The following DIP2B variants were observed in gnomAD, a reference collection of about 807,000 sequenced individuals.
DIP2B encodes the protein DIP2 acetate--CoA ligase B (putative).
A neutral mutation model predicts 198.0 loss-of-function variants in DIP2B; 76 were observed. The ratio of observed to expected loss-of-function variants is 0.38; its 90% CI spans 0.32 to 0.46. DIP2B has a LOEUF of 0.46. DIP2B is among the 20% of genes least tolerant of loss of function. The pLI, the probability that DIP2B is intolerant of heterozygous loss-of-function variation, is 0.99. For missense variants in DIP2B, 1,559 were observed against 1,978.4 expected, an observed-to-expected ratio of 0.79 and a Z score of 4.02; for synonymous variants, 701 against 739.1, an observed-to-expected ratio of 0.95 and a Z score of 0.84.
intron 33 of DIP2B, among the ~76,000 whole-genome samples, chr12:50,734,417 AAT>A (rs1184232725): frequency 6.6e-6 from 1 of 152,240 alleles, no homozygotes; most frequent in African/African-American, 2.4e-5. Context: ...ATTAAAGTAT[AAT>A]AGTTATTGCC....
intron 1 of DIP2B, among the ~76,000 whole-genome samples, chr12:50,589,807 C>A (rs1958803349): frequency 6.6e-6 from 1 of 151,964 alleles, no homozygotes; most frequent in South Asian, 2.1e-4. Flanking sequence ...AATTTAGGAC[C>A]ATCAGGAAGA....
chr12:50,576,024 C>G (rs1442102025), intron 1 of DIP2B, among the ~76,000 whole-genome samples: 4 of 151,744 alleles, frequency 2.6e-5, no homozygotes, highest in African/African-American at 9.7e-5. Flanking sequence ...TCCCAAAGAG[C>G]TGGAATTACA....
chr12:50,529,278 T>A (rs1032685277), intron 1 of DIP2B, among the ~76,000 whole-genome samples: 2 of 152,058 alleles, frequency 1.3e-5, no homozygotes, highest in Non-Finnish European at 2.9e-5. Context: ...TACGACAGAG[T>A]AAGACCCTGT....
chr12:50,704,927 A>G (rs183719084), intron 20 of DIP2B, among the ~76,000 whole-genome samples: 2 of 152,274 alleles, frequency 1.3e-5, no homozygotes, highest in Non-Finnish European at 2.9e-5. Context: ...CAGCCTGGGC[A>G]ACAGAGCGAG....
In DIP2B at chr12:50,663,085, G is replaced by A. The variant is rs575082851; in HGVS notation, c.427+2766G>A. 2.0e-5 allele frequency among the ~76,000 whole-genome samples: 3 copies of A among 152,222 alleles called. No individual in the cohort carries two copies. In the South Asian group the frequency reaches 6.2e-4, roughly 32 times the overall value. On this transcript the variant is annotated intron_variant, in intron 4 of 37. Coordinates refer to ENST00000301180, the MANE Select transcript of DIP2B (RefSeq NM_173602.3). ...GATCGCGCCATTCAGTCCAGCCTGG[G>A]TGACAGAGCGAGACTCCATCTCAAA... is the stretch of plus-strand genomic sequence containing the variant.
rs979223032 is a variant in DIP2B at position 50,733,265 on chromosome 12, T to G, written c.3981+729T>G. Among the ~76,000 whole-genome samples the G allele has an allele frequency of 2.0e-5, 3 of 151,478 alleles. No individual in the cohort carries two copies. In the South Asian group the frequency reaches 6.2e-4, roughly 31 times the overall value. ...CATTTTTTTTCTTTCTTTTTTTTTT[T>G]TTTTTTCCAAACAATAACCTTGTAT... is the stretch of plus-strand genomic sequence containing the variant. On this transcript the variant is annotated intron_variant, in intron 32 of 37. Transcript: ENST00000301180.
intron 1 of DIP2B, among the ~76,000 whole-genome samples, chr12:50,531,783 T>G (rs567901610): frequency 2.8e-4 from 43 of 152,336 alleles, no homozygotes; most frequent in African/African-American, 1.0e-3. Context: ...GTTCTTTGTC[T>G]CTCTCCTCAC....
chr12:50,720,304 A>G (rs1313141810), intron 25 of DIP2B, among the ~76,000 whole-genome samples: 1 of 152,110 alleles, frequency 6.6e-6, no homozygotes, highest in Non-Finnish European at 1.5e-5. Flanking sequence ...TCACAGGCTC[A>G]AAGTCTGTGA....
chr12:50,723,386 G>A, intron 27 of DIP2B, 63 bp downstream of exon 27: 1 of 1,587,038 alleles, frequency 6.3e-7, no homozygotes, highest in Non-Finnish European at 8.6e-7. Flanking sequence ...GACAACTAAG[G>A]ATCCTTACTA....
At chr12:50,592,833 C>T (rs778354044) in intron 1 of DIP2B, among the ~76,000 whole-genome samples, 3 of 152,076 alleles carry the variant, frequency 2.0e-5, no homozygotes, top group Non-Finnish European at 2.9e-5. Context: ...TTTATAAGAT[C>T]GTGCACCTGA....
intron 1 of DIP2B, among the ~76,000 whole-genome samples, chr12:50,579,489 G>A (rs1034132351): frequency 6.7e-6 from 1 of 150,110 alleles, no homozygotes; most frequent in African/African-American, 2.5e-5. Context: ...GCAGGTGCCT[G>A]TAACCCCAGC....
At position 50,626,012 on chromosome 12, in the gene DIP2B, C is replaced by T. The variant is rs1937926749; in HGVS notation, c.137C>T (p.Ser46Phe). Residue 46 changes from serine to phenylalanine, a missense_variant, in exon 2 of 38, where the codon TCC (serine) becomes TTC (phenylalanine). By Grantham distance (155) the Ser-to-Phe change is radical. Coordinates refer to ENST00000301180, the MANE Select transcript of DIP2B (RefSeq NM_173602.3). ...ITQKGYEKKR[S>F]KLLSPYSPQT... ...CAGAAGGGCTATGAAAAGAAAAGGT[C>T]CAAACTCCTATCTCCTTACAGCCCG... 2 of 1,614,050 alleles carry T rather than the reference C, an allele frequency of 1.2e-6. No individual in the cohort carries two copies. Among genetic ancestry groups the T allele is most frequent in the Admixed American group, 1.7e-5 (1 of 60,008 alleles).
chr12:50,693,746 A>G, intron 14 of DIP2B, among the ~76,000 whole-genome samples: 1 of 152,226 alleles, frequency 6.6e-6, no homozygotes, highest in South Asian at 2.1e-4. Context: ...AGTGCAAGAT[A>G]GGGACATGTG....
chr12:50,523,995 C>T (rs1311804927), intron 1 of DIP2B, among the ~76,000 whole-genome samples: 1 of 152,092 alleles, frequency 6.6e-6, no homozygotes, highest in Non-Finnish European at 1.5e-5. Flanking sequence ...AACATCATGG[C>T]AGCTGTCAAA....
chr12:50,597,296 ATATTT>A (rs1958887114), intron 1 of DIP2B, among the ~76,000 whole-genome samples: 1 of 152,256 alleles, frequency 6.6e-6, no homozygotes, highest in Admixed American at 6.5e-5. Context: ...CATTTAAAAA[ATATTT>A]TAAGAAAAGG....
chr12:50,659,273 C>T, intron 3 of DIP2B, among the ~76,000 whole-genome samples: 1 of 152,120 alleles, frequency 6.6e-6, no homozygotes, highest in African/African-American at 2.4e-5. Flanking sequence ...TTAGGACCTG[C>T]AGTTTCTTGA....
chr12:50,530,548 A>T (rs1005144851), intron 1 of DIP2B, among the ~76,000 whole-genome samples: 45 of 152,304 alleles, frequency 3.0e-4, no homozygotes, highest in African/African-American at 1.0e-3. Flanking sequence ...ACCAAGTGAT[A>T]CTATTTACAT....
chr12:50,532,493 G>A (rs191587269), intron 1 of DIP2B, among the ~76,000 whole-genome samples: 4 of 152,166 alleles, frequency 2.6e-5, no homozygotes, highest in South Asian at 4.1e-4. Context: ...CAGCCTGGGC[G>A]ACAGAGCCAG....
At chr12:50,581,050 A>G (rs1252139884) in intron 1 of DIP2B, among the ~76,000 whole-genome samples, 1 of 149,274 alleles carries the variant, frequency 6.7e-6, no homozygotes, top group East Asian at 2.3e-4. Context: ...TGGAGAAACT[A>G]TTTTGTGTTC....
Sources: allele counts gnomAD v4.1 joint callset (sites outside exome capture counted in the v4.1 genomes callset), GRCh38; gene constraint gnomAD v4.1.1; transcripts MANE v1.5; gene names NCBI Gene and HGNC (gene_info 2026-07-23, HGNC 2026-07-21).